ZC3HAV1: variants seen among roughly 807,000 people sequenced by gnomAD.
ZC3HAV1 encodes the protein zinc finger CCCH-type antiviral protein 1.
In ZC3HAV1, 41 loss-of-function variants were observed where a neutral mutation model predicts 86.6. The ratio of observed to expected loss-of-function variants is 0.47; its 90% confidence interval spans 0.37 to 0.61. The LOEUF is 0.61. Ranked by LOEUF, ZC3HAV1 falls within the 20% of genes least tolerant of loss-of-function variation. The probability of loss-of-function intolerance (pLI) is 0.00; values close to 1 mark genes in which losing one functional copy is unlikely to be tolerated. For missense variants in ZC3HAV1, 964 were observed against 1,141.1 expected (o/e 0.84, Z 2.24); for synonymous variants, 421 against 432.1 (o/e 0.97, Z 0.32).
chr7:139,050,282 T>C (rs76550958), intron 12 of ZC3HAV1, among the ~76,000 whole-genome samples: 91 of 152,352 alleles, frequency 6.0e-4, no homozygotes, highest in Non-Finnish European at 1.1e-3. Context: ...ATCACACTTA[T>C]ATAATCTGGA....
At chr7:139,067,582 A>C (rs986805727) in intron 7 of ZC3HAV1, among the ~76,000 whole-genome samples, 2 of 152,202 alleles carry the variant, frequency 1.3e-5, no homozygotes, top group Non-Finnish European at 2.9e-5. Flanking sequence ...GGAGGGGAGT[A>C]GATGATGAAA....
rs753401504 is a variant in ZC3HAV1 at position 139,079,802 on chromosome 7, G to T, written c.1139C>A (p.Thr380Lys). 2.1e-5 allele frequency: 34 copies of T among 1,614,148 alleles called. No individual in the cohort carries two copies. Among genetic ancestry groups the T allele is most frequent in the Non-Finnish European group, 2.5e-5 (30 of 1,180,032 alleles). Residue 380 changes from threonine to lysine, a missense_variant, in exon 4 of 13, where the codon ACG becomes AAG. By Grantham distance (78) the Thr-to-Lys change is moderately conservative. Transcript: ENST00000242351. Reference protein sequence around the residue: ...GARRKTVFSPTLPAARSSLGS... With the variant: ...GARRKTVFSPKLPAARSSLGS... The stretch of plus-strand genomic sequence containing the variant: ...AAGAGAAGAGCGGGCGGCAGGTAGC[G>T]TGGGAGAAAACACAGTCTTTCTCCT...
intron 6 of ZC3HAV1, among the ~76,000 whole-genome samples, chr7:139,075,660 G>C (rs1288638296): frequency 6.6e-6 from 1 of 151,996 alleles, no homozygotes; most frequent in Non-Finnish European, 1.5e-5. Context: ...GGCTGATCTC[G>C]AACTCCTGAG....
At chr7:139,051,731 TTTAA>T (rs1339550362) in intron 12 of ZC3HAV1, among the ~76,000 whole-genome samples, 1 of 152,206 alleles carries the variant, frequency 6.6e-6, no homozygotes, top group Non-Finnish European at 1.5e-5. Flanking sequence ...GCCACAGTCA[TTTAA>T]TTAATTATGT....
intron 2 of ZC3HAV1, among the ~76,000 whole-genome samples, chr7:139,087,471 CAGAG>C (rs534376377): frequency 2.1e-5 from 3 of 141,816 alleles, no homozygotes; most frequent in Admixed American, 6.9e-5. Flanking sequence ...GAGAGGGAGA[CAGAG>C]AGAGAGAGAG....
intron 7 of ZC3HAV1, among the ~76,000 whole-genome samples, chr7:139,065,863 C>T (rs1816592743): frequency 6.6e-6 from 1 of 152,156 alleles, no homozygotes; most frequent in East Asian, 1.9e-4. Context: ...AAGATCGTGC[C>T]ACTGCAGAGC....
chr7:139,053,908 A>C, intron 11 of ZC3HAV1, 57 bp downstream of exon 11: 1 of 1,570,906 alleles, frequency 6.4e-7, no homozygotes, highest in Non-Finnish European at 8.6e-7. Context: ...CAAAGGACGG[A>C]TATTAACTAA....
At position 139,046,043 on chromosome 7, in the gene ZC3HAV1, G is replaced by A. The variant is rs1815947673; in HGVS notation, c.*1551C>T. ...ATTAAATCTGACTTATAACTTGTCT[G>A]CTAAAAGAAATTATAACAGGAAACT... On this transcript the variant is annotated 3_prime_UTR_variant, in exon 13 of 13. Coordinates refer to ENST00000242351, the MANE Select transcript of ZC3HAV1 (RefSeq NM_020119.4). 2 of 149,174 alleles carry A rather than the reference G, an allele frequency of 1.3e-5. No individual in the cohort carries two copies. Among genetic ancestry groups the A allele is most frequent in the Non-Finnish European group, 3.0e-5 (2 of 67,750 alleles). The allele number at this position is 149,174 out of a possible 1,614,324, so 9.2% of individuals were successfully genotyped here. A position where few individuals can be genotyped will look rare whatever the true frequency, so the allele number is the denominator to read the frequency against.
chr7:139,080,763 C>T (rs1817105146), intron 3 of ZC3HAV1, among the ~76,000 whole-genome samples: 2 of 152,180 alleles, frequency 1.3e-5, no homozygotes. Flanking sequence ...TCTCCTGGTC[C>T]TGAGTCAACG....
chr7:139,074,103 T>C (rs1294679703), intron 6 of ZC3HAV1, 73 bp from the exon 7 acceptor site: 7 of 1,434,228 alleles, frequency 4.9e-6, no homozygotes, highest in Non-Finnish European at 6.7e-6. Context: ...TCTTCCCTAA[T>C]GAGAGCACAG....
At chr7:139,072,693 T>C (rs1816815408) in intron 7 of ZC3HAV1, among the ~76,000 whole-genome samples, 1 of 152,160 alleles carries the variant, frequency 6.6e-6, no homozygotes, top group Non-Finnish European at 1.5e-5. Context: ...TGGGTCAGCC[T>C]AGGATCTTCT....
intron 1 of ZC3HAV1, among the ~76,000 whole-genome samples, chr7:139,095,616 C>T (rs1275442262): frequency 2.0e-5 from 3 of 152,180 alleles, no homozygotes; most frequent in East Asian, 3.8e-4. Flanking sequence ...AGGCTGGGCC[C>T]GCTGAGGATA....
intron 12 of ZC3HAV1, 46 bp from the exon 13 acceptor site, chr7:139,047,899 G>A (rs774837431): frequency 1.2e-5 from 19 of 1,572,602 alleles, no homozygotes; most frequent in Non-Finnish European, 1.6e-5. Flanking sequence ...ATAAAAGAAG[G>A]TATACAGTTT....
intron 1 of ZC3HAV1, among the ~76,000 whole-genome samples, chr7:139,107,357 G>C (rs1164136109): frequency 6.6e-6 from 1 of 152,218 alleles, no homozygotes; most frequent in Non-Finnish European, 1.5e-5. Context: ...AAAAACGTTA[G>C]AGTGAGCTGA....
At position 139,080,212 on chromosome 7, in the gene ZC3HAV1, A is replaced by G. The variant is rs756016316; in HGVS notation, c.729T>C (p.Tyr243=). ...APSSHRRNMA[Y]RARSKSRDRF... ...GATCTCTACTCTTGCTTCTAGCCCT[A>G]TATGCCATGTTTCTACGATGTGAAG... Residue 243 remains tyrosine (Y), a synonymous_variant, in exon 4 of 13, where the codon TAT becomes TAC. Transcript: ENST00000242351. 6.2e-7 allele frequency: 1 copy of G among 1,614,160 alleles called. No individual in the cohort carries two copies. The highest frequency in any genetic ancestry group is 8.5e-7 in the Non-Finnish European group (1 of 1,180,036).
At chr7:139,090,238 A>G (rs529178757) in intron 1 of ZC3HAV1, among the ~76,000 whole-genome samples, 1 of 152,214 alleles carries the variant, frequency 6.6e-6, no homozygotes, top group South Asian at 2.1e-4. Context: ...AACATTTTAA[A>G]TATACTTTAA....
chr7:139,096,710 C>T (rs1263761113), intron 1 of ZC3HAV1, among the ~76,000 whole-genome samples: 1 of 152,220 alleles, frequency 6.6e-6, no homozygotes, highest in African/African-American at 2.4e-5. Flanking sequence ...CTTTTACTCA[C>T]TCCCTCAAAC....
chr7:139,089,020 T>C (rs1817354828), intron 2 of ZC3HAV1, among the ~76,000 whole-genome samples: 1 of 140,878 alleles, frequency 7.1e-6, no homozygotes, highest in Non-Finnish European at 1.5e-5. Flanking sequence ...GAGAATTGCT[T>C]AAACCTGGGA....
At chr7:139,057,018 A>T (rs544231836) in intron 9 of ZC3HAV1, among the ~76,000 whole-genome samples, 1 of 152,266 alleles carries the variant, frequency 6.6e-6, no homozygotes, top group East Asian at 1.9e-4. Context: ...GGAAATGATA[A>T]CATGTATTGG....
Sources: gnomAD v4.1 joint callset for allele counts (sites outside exome capture counted in the v4.1 genomes callset) on GRCh38, gnomAD v4.1.1 for gene constraint, MANE v1.5 for transcripts, NCBI Gene and HGNC (gene_info 2026-07-23, HGNC 2026-07-21) for gene names.